The following KCNIP4 variants were observed in gnomAD, a reference collection of about 807,000 sequenced individuals.
KCNIP4 encodes the protein Kv channel-interacting protein 4.
Under a neutral mutation model 34.0 loss-of-function variants are expected in KCNIP4, and 12 were observed. The observed-to-expected ratio is 0.35, with a 90% CI of 0.23 to 0.57. KCNIP4 has a LOEUF of 0.57. Among genes scored for constraint, KCNIP4 ranks in the 20% least tolerant of loss-of-function variants. The pLI is 0.83. For missense variants in KCNIP4, 238 were observed against 311.7 expected, an observed-to-expected ratio of 0.76 and a Z score of 1.78; for synonymous variants, 124 against 102.2, an observed-to-expected ratio of 1.21 and a Z score of -1.29.
At chr4:21,091,297 T>G (rs1336810285) in intron 1 of KCNIP4, among the ~76,000 whole-genome samples, 1 of 152,118 alleles carries the variant, frequency 6.6e-6, no homozygotes, top group African/African-American at 2.4e-5. Flanking sequence ...AATAAAACCA[T>G]TAACAAGTAA....
chr4:21,072,950 G>A (rs1218484383), intron 1 of KCNIP4, among the ~76,000 whole-genome samples: 2 of 152,072 alleles, frequency 1.3e-5, no homozygotes, highest in African/African-American at 4.8e-5. Context: ...AAGATCAGAT[G>A]GTTGTAGATG....
At chr4:21,378,113 A>G (rs1478943697) in intron 1 of KCNIP4, among the ~76,000 whole-genome samples, 2 of 152,174 alleles carry the variant, frequency 1.3e-5, no homozygotes, top group African/African-American at 4.8e-5. Context: ...GTTACACTTA[A>G]TAGCCTGCTG....
chr4:21,120,077 G>C (rs17638156), intron 1 of KCNIP4, among the ~76,000 whole-genome samples: 21,684 of 152,054 alleles, frequency 0.14, 1,723 homozygotes, highest in East Asian at 0.23. Context: ...CAGTGCAAGG[G>C]AGACCATCAG....
intron 1 of KCNIP4, among the ~76,000 whole-genome samples, chr4:21,637,852 A>C (rs999143375): frequency 6.6e-6 from 1 of 151,992 alleles, no homozygotes; most frequent in Non-Finnish European, 1.5e-5. Flanking sequence ...GCCTAATCAC[A>C]CAAATCATAA....
At chr4:21,003,552 A>G (rs975967867) in intron 1 of KCNIP4, among the ~76,000 whole-genome samples, 2 of 152,218 alleles carry the variant, frequency 1.3e-5, no homozygotes, top group Non-Finnish European at 2.9e-5. Context: ...CAAAAAATAG[A>G]AACTGGAGAG....
At chr4:21,584,034 T>C (rs1741431890) in intron 1 of KCNIP4, among the ~76,000 whole-genome samples, 1 of 152,020 alleles carries the variant, frequency 6.6e-6, no homozygotes, top group African/African-American at 2.4e-5. Context: ...AATAATAACA[T>C]AAGATTTATA....
intron 1 of KCNIP4, among the ~76,000 whole-genome samples, chr4:21,635,048 C>T (rs548836927): frequency 1.5e-3 from 233 of 152,190 alleles, no homozygotes; most frequent in African/African-American, 5.4e-3. Flanking sequence ...GAAAGTTAGT[C>T]ATCTAAAATT....
intron 2 of KCNIP4, among the ~76,000 whole-genome samples, chr4:20,875,411 A>G (rs900168751): frequency 5.9e-5 from 9 of 152,166 alleles, no homozygotes; most frequent in Non-Finnish European, 1.2e-4. Flanking sequence ...TTACAGAGTT[A>G]TTTTTAGGAT....
chr4:21,632,469 C>A (rs1166139194), intron 1 of KCNIP4, among the ~76,000 whole-genome samples: 1 of 152,208 alleles, frequency 6.6e-6, no homozygotes, highest in Non-Finnish European at 1.5e-5. Context: ...AAGTGATCCA[C>A]CCGGCTTGGC....
chr4:21,869,779 T>C (rs60074125), intron 1 of KCNIP4, among the ~76,000 whole-genome samples: 49,793 of 121,650 alleles, frequency 0.41, 9,154 homozygotes, highest in Non-Finnish European at 0.48. Flanking sequence ...GATAGATAGA[T>C]AGATAGACAG....
At chr4:21,487,652 C>A (rs960410847) in intron 1 of KCNIP4, among the ~76,000 whole-genome samples, 1 of 152,118 alleles carries the variant, frequency 6.6e-6, no homozygotes, top group African/African-American at 2.4e-5. Flanking sequence ...AGAAATTATT[C>A]GGAATTCTTC....
rs562851479 is a variant in KCNIP4 at position 21,805,089 on chromosome 4, T to TA, written c.61+143481dup. Among the ~76,000 whole-genome samples the TA allele has an allele frequency of 1.1e-4, 16 of 152,306 alleles. No individual in the cohort carries two copies. The East Asian group carries it at 3.1e-3, about 29-fold the overall frequency. On this transcript the variant is annotated intron_variant, in intron 1 of 8. Transcript: ENST00000382152. ...AGAGGGCTGAGAAGGCAGAAGGACA[T>TA]ACAGCCTTTTGAACATCCACATGTG...
chr4:21,510,160 C>T (rs1317630041), intron 1 of KCNIP4, among the ~76,000 whole-genome samples: 1 of 148,950 alleles, frequency 6.7e-6, no homozygotes, highest in South Asian at 2.1e-4. Flanking sequence ...ATTTTATTTT[C>T]CTATTGAAAT....
intron 1 of KCNIP4, among the ~76,000 whole-genome samples, chr4:21,384,834 C>T (rs1467432636): frequency 1.3e-5 from 2 of 152,172 alleles, no homozygotes; most frequent in African/African-American, 4.8e-5. Context: ...CTTGAAATAG[C>T]TGAGCTCCCT....
At chr4:21,260,654 G>C (rs1229568372) in intron 1 of KCNIP4, among the ~76,000 whole-genome samples, 1 of 152,176 alleles carries the variant, frequency 6.6e-6, no homozygotes, top group East Asian at 1.9e-4. Context: ...ATAGTAGACA[G>C]AGCTTATCTA....
intron 1 of KCNIP4, among the ~76,000 whole-genome samples, chr4:21,431,003 A>T (rs1376785862): frequency 6.6e-6 from 1 of 152,112 alleles, no homozygotes; most frequent in Non-Finnish European, 1.5e-5. Context: ...TAAAAAATGG[A>T]ATGGAATATG....
chr4:21,809,132 A>C (rs1031805514), intron 1 of KCNIP4, among the ~76,000 whole-genome samples: 10 of 128,394 alleles, frequency 7.8e-5, no homozygotes, highest in African/African-American at 2.6e-4. Context: ...TCCAGAAGAC[A>C]TTAGCATTTG....
intron 1 of KCNIP4, among the ~76,000 whole-genome samples, chr4:21,442,259 A>AT (rs1727550059): frequency 6.6e-6 from 1 of 152,038 alleles, no homozygotes; most frequent in African/African-American, 2.4e-5. Flanking sequence ...ACTCTTCATA[A>AT]TTTTTTCCTT....
chr4:21,518,439 G>A (rs1361336880), intron 1 of KCNIP4, among the ~76,000 whole-genome samples: 1 of 152,146 alleles, frequency 6.6e-6, no homozygotes, highest in Non-Finnish European at 1.5e-5. Context: ...CATATAGGCT[G>A]AACAGCAACC....
Sources: allele counts gnomAD v4.1 joint callset (sites outside exome capture counted in the v4.1 genomes callset), GRCh38; gene constraint gnomAD v4.1.1; transcripts MANE v1.5; gene names NCBI Gene and HGNC (gene_info 2026-07-23, HGNC 2026-07-21).